TRIM2: variants seen among roughly 807,000 people sequenced by gnomAD.
TRIM2 encodes the protein tripartite motif containing 2.
A neutral mutation model predicts 75.2 loss-of-function variants in TRIM2; 20 were observed. That is an observed-to-expected ratio of 0.27 (90% CI 0.19 to 0.39). The LOEUF (loss-of-function observed/expected upper bound fraction) is 0.39. Among genes scored for constraint, TRIM2 ranks in the 10% least tolerant of loss-of-function variants. TRIM2 has a pLI of 1.00. For synonymous variants in TRIM2, 373 were observed against 388.3 expected (o/e 0.96, Z 0.46); for missense variants, 660 against 990.8 (o/e 0.67, Z 4.48).
intron 1 of TRIM2, chr4:153,222,897 T>G (rs1741014392): frequency 6.6e-6 from 1 of 152,126 alleles, no homozygotes; most frequent in Admixed American, 6.6e-5. Context: ...TGCGAAGTCC[T>G]GGGTCGCCTG....
intron 1 of TRIM2, among the ~76,000 whole-genome samples, chr4:153,222,000 AAGG>A: frequency 2.7e-5 from 1 of 36,664 alleles, no homozygotes; most frequent in African/African-American, 8.2e-5. Context: ...GAGAGGAAGG[AAGG>A]AAAGAAGGAA....
At chr4:153,180,602 C>G (rs1416536853) in intron 1 of TRIM2, among the ~76,000 whole-genome samples, 1 of 152,230 alleles carries the variant, frequency 6.6e-6, no homozygotes, top group South Asian at 2.1e-4. Flanking sequence ...CTCAGCCTCC[C>G]AAGTAGCTGG....
chr4:153,185,715 C>G (rs1193368478), intron 1 of TRIM2, among the ~76,000 whole-genome samples: 1 of 152,052 alleles, frequency 6.6e-6, no homozygotes, highest in Admixed American at 6.6e-5. Context: ...GGAGGAGATG[C>G]CTCTATCTCT....
chr4:153,322,733 C>T lies in TRIM2; in HGVS notation c.1868C>T (p.Ala623Val). ...CACATTATTGTTGTGGACAACAAGG[C>T]GTGCTGCGTGTTTATCTTCCAGCCA... is the stretch of plus-strand genomic sequence containing the variant. The part of the protein sequence containing the change: ...NGHIIVVDNK[A>V]CCVFIFQPNG... The change falls in exon 9 of 12, where the codon GCG becomes GTG. Residue 623 changes from alanine to valine, a missense_variant. Ala to Val is a moderately conservative substitution (Grantham distance 64, BLOSUM62 0). This residue lies in a region of TRIM2 where 620 missense variants were observed against 891.0 expected (regional missense o/e 0.70). Transcript: ENST00000338700. The T allele has an allele frequency of 1.9e-6, 3 of 1,614,178 alleles. No homozygotes were observed. Among genetic ancestry groups the T allele is most frequent in the Non-Finnish European group, 2.5e-6 (3 of 1,180,032 alleles).
chr4:153,272,305 C>A (rs189579259), intron 2 of TRIM2, among the ~76,000 whole-genome samples: 2 of 151,888 alleles, frequency 1.3e-5, no homozygotes, highest in African/African-American at 2.4e-5. Context: ...CCTGCCACCA[C>A]GCCCAGCTAA....
intron 10 of TRIM2, among the ~76,000 whole-genome samples, chr4:153,327,297 C>T (rs1482676282): frequency 1.3e-5 from 2 of 152,092 alleles, no homozygotes; most frequent in African/African-American, 4.8e-5. Flanking sequence ...GTGAGTTTAG[C>T]CTGTAGAGAT....
At chr4:153,316,884 T>TTTTTTC (rs1767731130) in intron 8 of TRIM2, among the ~76,000 whole-genome samples, 1 of 123,982 alleles carries the variant, frequency 8.1e-6, no homozygotes, top group African/African-American at 3.3e-5. Flanking sequence ...TTTTTTTTTT[T>TTTTTTC]TTTTTTTTTT....
chr4:153,257,965 T>C (rs887582817), intron 1 of TRIM2, among the ~76,000 whole-genome samples: 29 of 152,250 alleles, frequency 1.9e-4, no homozygotes, highest in African/African-American at 7.0e-4. Flanking sequence ...AAGATTTTCT[T>C]ATCAAGTTCT....
At chr4:153,329,309 T>C (rs1476314554) in intron 11 of TRIM2, among the ~76,000 whole-genome samples, 1 of 152,066 alleles carries the variant, frequency 6.6e-6, no homozygotes, top group East Asian at 1.9e-4. Context: ...TAAATGACCC[T>C]TGAGTCAAAG....
chr4:153,225,254 A>T (rs1037348719), intron 1 of TRIM2, among the ~76,000 whole-genome samples: 1 of 152,196 alleles, frequency 6.6e-6, no homozygotes, highest in Admixed American at 6.5e-5. Flanking sequence ...ATTCCCAAAG[A>T]CAGCTTTAGC....
chr4:153,288,390 T>C (rs1485930107), intron 3 of TRIM2, among the ~76,000 whole-genome samples: 1 of 152,154 alleles, frequency 6.6e-6, no homozygotes, highest in African/African-American at 2.4e-5. Context: ...TGAGCCAAGA[T>C]TGAGCCACTG....
At chr4:153,270,130 G>C (rs1467045853) in intron 1 of TRIM2, among the ~76,000 whole-genome samples, 1 of 151,790 alleles carries the variant, frequency 6.6e-6, no homozygotes, top group Non-Finnish European at 1.5e-5. Context: ...GGGTTTCACT[G>C]TGTTAGCCAG....
At chr4:153,244,432 CTTCTTTTA>C (rs1341174380) in intron 1 of TRIM2, among the ~76,000 whole-genome samples, 1,388 of 108,558 alleles carry the variant, frequency 0.013, 192 homozygotes, top group African/African-American at 0.02. Flanking sequence ...TCTTCTTCTT[CTTCTTTTA>C]ATTAGAGAGG....
chr4:153,223,792 T>C (rs1051193898), intron 1 of TRIM2, among the ~76,000 whole-genome samples: 3 of 152,194 alleles, frequency 2.0e-5, no homozygotes, highest in Non-Finnish European at 2.9e-5. Flanking sequence ...CTTTAATTTA[T>C]GGAACAGAGA....
intron 8 of TRIM2, among the ~76,000 whole-genome samples, chr4:153,319,482 A>T (rs1398375962): frequency 6.6e-6 from 1 of 152,098 alleles, no homozygotes; most frequent in African/African-American, 2.4e-5. Context: ...TAATCCCAGC[A>T]CCTTGGGAGG....
intron 10 of TRIM2, among the ~76,000 whole-genome samples, chr4:153,327,221 T>C (rs1419463685): frequency 6.6e-6 from 1 of 152,202 alleles, no homozygotes; most frequent in Non-Finnish European, 1.5e-5. Context: ...CAAAGGTGGC[T>C]TGCTTTCTTG....
chr4:153,244,431 T>TCTTCTTCTTCTTCTC (rs1560875850), intron 1 of TRIM2, among the ~76,000 whole-genome samples: 3 of 118,758 alleles, frequency 2.5e-5, no homozygotes, highest in Non-Finnish European at 5.0e-5. Flanking sequence ...TTCTTCTTCT[T>TCTTCTTCTTCTTCTC]CTTCTTTTAA....
At chr4:153,249,288 C>G (rs536743309) in intron 1 of TRIM2, among the ~76,000 whole-genome samples, 2 of 152,364 alleles carry the variant, frequency 1.3e-5, no homozygotes, top group South Asian at 2.1e-4. Context: ...GAGCGCAGCT[C>G]GGCTCCCGCC....
chr4:153,258,402 G>GA (rs760575264), intron 1 of TRIM2, among the ~76,000 whole-genome samples: 3,363 of 142,596 alleles, frequency 0.024, 55 homozygotes, highest in Middle Eastern at 0.047. Context: ...AAGAAAAAAA[G>GA]AAAAAAAAAA....
Sources: gnomAD v4.1 joint callset for allele counts (sites outside exome capture counted in the v4.1 genomes callset) on GRCh38, gnomAD v4.1.1 for gene constraint, gnomAD v4.1.1 regional missense constraint, MANE v1.5 for transcripts, NCBI Gene and HGNC (gene_info 2026-07-23, HGNC 2026-07-21) for gene names.